Variants in MEF2A observed in about 807,000 individuals in gnomAD.
MEF2A encodes myocyte-specific enhancer factor 2A.
A neutral mutation model predicts 55.8 loss-of-function variants in MEF2A; 28 were observed. That is an observed-to-expected ratio of 0.50 (90% CI 0.37 to 0.69). The LOEUF is 0.69. Ranked by LOEUF, MEF2A falls within the 30% of genes least tolerant of loss-of-function variation. The probability of loss-of-function intolerance (pLI) is 0.00; values close to 1 mark genes in which losing one functional copy is unlikely to be tolerated. For synonymous variants in MEF2A, 239 were observed against 227.1 expected (o/e 1.05, Z -0.47); for missense variants, 528 against 626.2 (o/e 0.84, Z 1.67).
intron 4 of MEF2A, among the ~76,000 whole-genome samples, chr15:99,649,344 T>C (rs909176225): frequency 1.3e-5 from 2 of 152,156 alleles, no homozygotes; most frequent in African/African-American, 2.4e-5. Flanking sequence ...TTCTCTGAAA[T>C]GAAGAATATC....
At chr15:99,648,314 G>C (rs1289213710) in intron 4 of MEF2A, among the ~76,000 whole-genome samples, 12 of 152,090 alleles carry the variant, frequency 7.9e-5, no homozygotes, top group Admixed American at 7.9e-4. Flanking sequence ...CTTATTTAGA[G>C]ATTCCTAATT....
intron 1 of MEF2A, among the ~76,000 whole-genome samples, chr15:99,581,768 C>T (rs1307321804): frequency 6.6e-6 from 1 of 152,102 alleles, no homozygotes; most frequent in Admixed American, 6.6e-5. Context: ...GTAAATCTTA[C>T]ACATGATAAT....
At chr15:99,626,260 T>G (rs1400785140) in intron 2 of MEF2A, among the ~76,000 whole-genome samples, 3 of 152,156 alleles carry the variant, frequency 2.0e-5, no homozygotes, top group Admixed American at 6.5e-5. Flanking sequence ...TATAGCTGTT[T>G]ATAAGTACCC....
intron 2 of MEF2A, among the ~76,000 whole-genome samples, chr15:99,628,543 C>T (rs528809832): frequency 2.0e-5 from 3 of 152,244 alleles, no homozygotes; most frequent in Admixed American, 6.5e-5. Context: ...TTTTCCCCCT[C>T]TTAGCTGTTT....
rs773300399 is a variant in MEF2A, at chr15:99,675,413, A to C, written c.625A>C (p.Thr209Pro). 6.2e-7 allele frequency: 1 copy of C among 1,613,804 alleles called. No individual in the cohort carries two copies. The highest frequency in any genetic ancestry group is 1.3e-5 in the African/African-American group (1 of 74,914). ...STGNAGGMLS[T>P]TDLTVPNGAG... is the part of the protein sequence containing the mutation. ...AACGTTGTTAGGTGGGATGTTGAGC[A>C]CTACAGACCTCACAGTGCCAAATGG... The change falls in exon 7 of 12, where the codon ACT becomes CCT. Residue 209 changes from threonine (T) to proline (P), a missense_variant. Physicochemically the swap from Thr to Pro is conservative, Grantham distance 38. This residue lies in a region of MEF2A where 450 missense variants were observed against 475.3 expected (regional missense o/e 0.95). Coordinates refer to ENST00000557942, the MANE Select transcript of MEF2A (RefSeq NM_001319206.4).
At chr15:99,627,939 T>C (rs568342267) in intron 2 of MEF2A, among the ~76,000 whole-genome samples, 2 of 152,204 alleles carry the variant, frequency 1.3e-5, no homozygotes, top group Middle Eastern at 3.2e-3. Flanking sequence ...TAATTTACTA[T>C]AAAAGGGGAT....
chr15:99,595,207 T>G (rs902915839), intron 1 of MEF2A, among the ~76,000 whole-genome samples: 2 of 152,194 alleles, frequency 1.3e-5, no homozygotes, highest in African/African-American at 4.8e-5. Flanking sequence ...TGGCATTACA[T>G]CAGGTAATGA....
At chr15:99,624,283 G>A (rs2041725569) in intron 2 of MEF2A, among the ~76,000 whole-genome samples, 1 of 151,958 alleles carries the variant, frequency 6.6e-6, no homozygotes, top group Non-Finnish European at 1.5e-5. Context: ...TGAAGCTTTT[G>A]CTGTATGTTT....
intron 7 of MEF2A, among the ~76,000 whole-genome samples, chr15:99,689,096 T>TA (rs2054863863): frequency 6.6e-6 from 1 of 152,348 alleles, no homozygotes; most frequent in East Asian, 1.9e-4. Context: ...ATTATATACA[T>TA]AGAGCATATA....
intron 4 of MEF2A, among the ~76,000 whole-genome samples, chr15:99,660,461 C>T (rs2048439979): frequency 6.6e-6 from 1 of 152,110 alleles, no homozygotes; most frequent in South Asian, 2.1e-4. Context: ...CAGTAAGATA[C>T]TTCCCACATA....
chr15:99,690,278 G>A lies in MEF2A; in HGVS notation c.708G>A (p.Leu236=), dbSNP rs1391618912. 6.2e-7 allele frequency: 1 copy of A among 1,613,586 alleles called. No homozygotes were observed. Among genetic ancestry groups the A allele is most frequent in the African/African-American group, 1.3e-5 (1 of 74,916 alleles). ...TAAACTCAAGAGCTTCTCCAAATTTGATTGGAGCTACTGGTGCAAATAGCT... is the reference window on the plus strand; with the variant it reads ...TAAACTCAAGAGCTTCTCCAAATTTAATTGGAGCTACTGGTGCAAATAGCT... ...GFVNSRASPN[L]IGATGANSLG... The change falls in exon 8 of 12, where the codon TTG becomes TTA. Residue 236 remains leucine (L), a synonymous_variant. Transcript: ENST00000557942.
chr15:99,671,751 A>T lies in MEF2A; in HGVS notation c.390+297A>T, dbSNP rs1234631184. 6 of 1,281,298 alleles carry T rather than the reference A, an allele frequency of 4.7e-6. No individual in the cohort carries two copies. The East Asian group carries it at 1.6e-4, about 33-fold the overall frequency. The allele number at this position is 1,281,298 out of a possible 1,614,324, so 79.4% of individuals were successfully genotyped here. A position where few individuals can be genotyped will look rare whatever the true frequency, so the allele number is the denominator to read the frequency against. On this transcript the variant is annotated intron_variant, in intron 5 of 11. Transcript: ENST00000557942. Reference sequence around the variant, plus strand: ...TATTTTTATAGTGGGTGATGACAACAATAAGTAGAAGGGAAGAAATGCATT... The same window carrying T: ...TATTTTTATAGTGGGTGATGACAACTATAAGTAGAAGGGAAGAAATGCATT...
At chr15:99,676,674 G>A (rs1019429016) in intron 7 of MEF2A, among the ~76,000 whole-genome samples, 4 of 151,158 alleles carry the variant, frequency 2.6e-5, no homozygotes, top group African/African-American at 9.7e-5. Flanking sequence ...CCGGGTTCAC[G>A]CCATTCTGCC....
Position 99,714,444 on chromosome 15 carries a change from A to C in MEF2A, c.*1673A>C, listed in dbSNP as rs1196042519. ...AAAACAGAACGATGCAGCTGGTTACAAAATCCTACCGTTATCAGCTCTTCT... is the reference window on the plus strand; with the variant it reads ...AAAACAGAACGATGCAGCTGGTTACCAAATCCTACCGTTATCAGCTCTTCT... On this transcript the variant is annotated 3_prime_UTR_variant, in exon 12 of 12. Transcript: ENST00000557942. 4.6e-5 allele frequency: 7 copies of C among 152,216 alleles called. No homozygotes were observed. The highest frequency in any genetic ancestry group is 4.6e-4 in the Admixed American group (7 of 15,288). The allele number at this position is 152,216 out of a possible 1,614,324, so 9.4% of individuals were successfully genotyped here.
chr15:99,674,417 T>C lies in MEF2A; in HGVS notation c.415T>C (p.Ser139Pro). 6.2e-7 allele frequency: 1 copy of C among 1,611,558 alleles called. No individual in the cohort carries two copies. Among genetic ancestry groups the C allele is most frequent in the Non-Finnish European group, 8.5e-7 (1 of 1,177,918 alleles). Residue 139 changes from serine to proline, a missense_variant, in exon 6 of 12, where the codon TCA (serine) becomes CCA (proline). Ser to Pro is a moderately conservative substitution (Grantham distance 74). Coordinates refer to ENST00000557942, the MANE Select transcript of MEF2A (RefSeq NM_001319206.4). Reference protein sequence around the residue: ...GPPGLPPQNFSMSVTVPVTSP... With the variant: ...GPPGLPPQNFPMSVTVPVTSP... ...GCCTGGTCTGCCACCTCAGAACTTT[T>C]CAATGTCTGTCACAGTTCCAGTGAC...
chr15:99,665,731 C>CAAAAAAAA (rs752473261), intron 4 of MEF2A, among the ~76,000 whole-genome samples: 20 of 20,238 alleles, frequency 9.9e-4, no homozygotes, highest in East Asian at 3.4e-3. Flanking sequence ...CTTAAATTTA[C>CAAAAAAAA]AAAAAAAAAA....
intron 8 of MEF2A, among the ~76,000 whole-genome samples, chr15:99,694,806 C>G (rs2056159387): frequency 6.6e-6 from 1 of 151,978 alleles, no homozygotes; most frequent in Non-Finnish European, 1.5e-5. Context: ...AGATTTATCT[C>G]TTCTCTCTCA....
At chr15:99,636,342 T>C (rs932118071) in intron 3 of MEF2A, among the ~76,000 whole-genome samples, 1 of 152,182 alleles carries the variant, frequency 6.6e-6, no homozygotes, top group African/African-American at 2.4e-5. Context: ...CTTTTCACTT[T>C]CTTTTTTAAA....
chr15:99,702,211 A>G (rs1194536922), intron 8 of MEF2A, among the ~76,000 whole-genome samples: 3 of 152,162 alleles, frequency 2.0e-5, no homozygotes, highest in Non-Finnish European at 4.4e-5. Context: ...ATTGTTTTTC[A>G]GAGTAAGTAA....
Sources: allele counts gnomAD v4.1 joint callset (sites outside exome capture counted in the v4.1 genomes callset), GRCh38; gene constraint gnomAD v4.1.1; regional missense constraint gnomAD v4.1.1; transcripts MANE v1.5; gene names NCBI Gene and HGNC (gene_info 2026-07-23, HGNC 2026-07-21).